Variants in ROBO1 observed in about 807,000 individuals in gnomAD.
The protein encoded by ROBO1 is roundabout guidance receptor 1.
ROBO1 carries 149 observed loss-of-function variants against 195.9 expected under a neutral mutation model. That is an observed-to-expected ratio of 0.76 (90% CI 0.67 to 0.87). The LOEUF is 0.87. ROBO1 is among the 40% of genes least tolerant of loss of function. The pLI, the probability that ROBO1 is intolerant of heterozygous loss-of-function variation, is 0.00. For synonymous variants in ROBO1, 816 were observed against 733.2 expected, an observed-to-expected ratio of 1.11 and a Z score of -1.82; for missense variants, 1,933 against 2,068.3, an observed-to-expected ratio of 0.93 and a Z score of 1.27.
At chr3:79,282,788 C>A (rs2031609478) in intron 2 of ROBO1, among the ~76,000 whole-genome samples, 2 of 152,046 alleles carry the variant, frequency 1.3e-5, no homozygotes, top group Non-Finnish European at 2.9e-5. Flanking sequence ...AAATACAGAC[C>A]TTTGGAAACA....
chr3:79,437,930 A>G (rs2038938911), intron 2 of ROBO1, among the ~76,000 whole-genome samples: 1 of 152,026 alleles, frequency 6.6e-6, no homozygotes. Flanking sequence ...CTTTATGGAA[A>G]ACTTAGATAA....
At chr3:79,741,317 G>A (rs1052304634) in intron 1 of ROBO1, among the ~76,000 whole-genome samples, 2 of 152,126 alleles carry the variant, frequency 1.3e-5, no homozygotes, top group Non-Finnish European at 2.9e-5. Flanking sequence ...TATTGTAATA[G>A]AGATGTGTTT....
rs557308707 is a variant in ROBO1 at position 79,076,297 on chromosome 3, A to G, written c.172+49159T>C. On this transcript the variant is annotated intron_variant, in intron 3 of 30. Transcript: ENST00000464233. ...TAAATATATAAATATACATATATAA[A>G]ATGCACTATTATTTATATTGTTTCT... Among the ~76,000 whole-genome samples, 74 of 147,964 alleles carry G rather than the reference A, an allele frequency of 5.0e-4. 1 individual carries two copies. The South Asian group carries it at 8.4e-3, about 17-fold the overall frequency.
chr3:78,657,425 C>A (rs528100147), intron 17 of ROBO1, among the ~76,000 whole-genome samples, 156 bp from the exon 18 acceptor site: 1 of 152,266 alleles, frequency 6.6e-6, no homozygotes, highest in Admixed American at 6.5e-5. Flanking sequence ...AAATCTAGTT[C>A]TATGAACAAT....
At chr3:79,539,717 A>G (rs1264473157) in intron 2 of ROBO1, among the ~76,000 whole-genome samples, 1 of 152,074 alleles carries the variant, frequency 6.6e-6, no homozygotes. Context: ...AGAGTATCAC[A>G]CTGTTAATCG....
chr3:78,618,172 A>G, intron 26 of ROBO1, 131 bp from the exon 27 acceptor site: 1 of 919,720 alleles, frequency 1.1e-6, no homozygotes, highest in Non-Finnish European at 1.6e-6. Flanking sequence ...TCAGAAAAAC[A>G]ACTGAATATC....
At position 78,614,754 on chromosome 3, in the gene ROBO1, G is replaced by A. The variant is rs369600570; in HGVS notation, c.4329C>T (p.Pro1443=). ...HASQCPRPTS[P]VSTDSNMSAA... ...CACTCATGTTGCTGTCTGTAGACAC[G>A]GGACTTGTGGGCCTAGGGCACTGAG... Residue 1443 remains proline, a synonymous_variant, in exon 28 of 31, where the codon CCC becomes CCT. Transcript: ENST00000464233. The A allele has an allele frequency of 1.1e-5, 18 of 1,613,038 alleles. No homozygotes were observed. The highest frequency in any genetic ancestry group is 8.3e-5 in the Admixed American group (5 of 59,942).
At chr3:79,048,487 C>T (rs2078636386) in intron 3 of ROBO1, among the ~76,000 whole-genome samples, 1 of 152,108 alleles carries the variant, frequency 6.6e-6, no homozygotes, top group Admixed American at 6.6e-5. Flanking sequence ...TTGGCATGTG[C>T]TTCTCATGGA....
intron 2 of ROBO1, among the ~76,000 whole-genome samples, chr3:79,177,898 T>C (rs1045640062): frequency 2.6e-5 from 4 of 152,258 alleles, no homozygotes; most frequent in African/African-American, 9.6e-5. Context: ...TTTAAGAAAT[T>C]ATATCTTCAA....
At chr3:79,085,616 GTCACTGCC>G (rs1182101440) in intron 3 of ROBO1, among the ~76,000 whole-genome samples, 7 of 152,170 alleles carry the variant, frequency 4.6e-5, no homozygotes, top group Non-Finnish European at 1.0e-4. Flanking sequence ...TGTGGGGCCT[GTCACTGCC>G]ACAATTTTTG....
In ROBO1 at chr3:79,371,653, G is replaced by T. The variant is rs559136938; in HGVS notation, c.88+218171C>A. Among the ~76,000 whole-genome samples, 6 of 152,270 alleles carry T rather than the reference G, an allele frequency of 3.9e-5. No homozygotes were observed. In the South Asian group the frequency reaches 1.2e-3, roughly 32 times the overall value. On this transcript the variant is annotated intron_variant, in intron 2 of 30. Transcript: ENST00000464233. Reference sequence around the variant, plus strand: ...CGGAGGGTAATATATAAACATTGAGGATGAAGAAAGTATGTGAGAACAAAA... The same window carrying T: ...CGGAGGGTAATATATAAACATTGAGTATGAAGAAAGTATGTGAGAACAAAA...
chr3:78,960,364 TAATA>T (rs1416441820), intron 3 of ROBO1, among the ~76,000 whole-genome samples: 1 of 149,314 alleles, frequency 6.7e-6, no homozygotes, highest in Non-Finnish European at 1.5e-5. Flanking sequence ...TATAATATAT[TAATA>T]TATTATATAG....
intron 2 of ROBO1, among the ~76,000 whole-genome samples, chr3:79,162,310 T>C (rs1168177553): frequency 6.6e-6 from 1 of 151,958 alleles, no homozygotes; most frequent in African/African-American, 2.4e-5. Context: ...TTGCCAAGAA[T>C]TTAATAGGAG....
At chr3:79,707,364 C>G (rs115484460) in intron 1 of ROBO1, among the ~76,000 whole-genome samples, 3,693 of 152,226 alleles carry the variant, frequency 0.024, 60 homozygotes, top group Non-Finnish European at 0.036. Flanking sequence ...CTTTATGACA[C>G]TATTAACCCT....
At chr3:78,644,412 T>C (rs1010159316) in intron 21 of ROBO1, among the ~76,000 whole-genome samples, 17 of 152,150 alleles carry the variant, frequency 1.1e-4, no homozygotes, top group Non-Finnish European at 2.2e-4. Context: ...GTTCAATATA[T>C]TGCATGAATA....
At chr3:78,830,794 A>T (rs1284258373) in intron 4 of ROBO1, among the ~76,000 whole-genome samples, 1 of 152,188 alleles carries the variant, frequency 6.6e-6, no homozygotes, top group Non-Finnish European at 1.5e-5. Context: ...CAGCATATAA[A>T]TCTAGAAATA....
intron 2 of ROBO1, among the ~76,000 whole-genome samples, chr3:79,391,911 A>C (rs1205688673): frequency 6.6e-6 from 1 of 152,204 alleles, no homozygotes; most frequent in African/African-American, 2.4e-5. Context: ...CAAATCTACA[A>C]GTATCACTTC....
chr3:79,386,994 T>C (rs2036774204), intron 2 of ROBO1, among the ~76,000 whole-genome samples: 2 of 152,282 alleles, frequency 1.3e-5, no homozygotes, highest in South Asian at 2.1e-4. Context: ...TGACTTGTCA[T>C]ATAGGAGAAG....
At chr3:79,359,463 C>T (rs1004204482) in intron 2 of ROBO1, among the ~76,000 whole-genome samples, 7 of 152,028 alleles carry the variant, frequency 4.6e-5, no homozygotes, top group Non-Finnish European at 8.8e-5. Flanking sequence ...AGGCACCATA[C>T]TTGGTATCAT....
Sources: gnomAD v4.1 joint callset for allele counts (sites outside exome capture counted in the v4.1 genomes callset) on GRCh38, gnomAD v4.1.1 for gene constraint, MANE v1.5 for transcripts, NCBI Gene and HGNC (gene_info 2026-07-23, HGNC 2026-07-21) for gene names.